The following RANBP6 variants were observed in gnomAD, a reference collection of about 807,000 sequenced individuals.
The protein encoded by RANBP6 is ran-binding protein 6.
RANBP6 carries 10 observed loss-of-function variants against 35.3 expected under a neutral mutation model. The observed-to-expected ratio is 0.28, with a 90% confidence interval of 0.17 to 0.48. The LOEUF (loss-of-function observed/expected upper bound fraction) is 0.48, where lower values mean the gene tolerates loss of function less well. RANBP6 is among the 20% of genes least tolerant of loss of function. The probability of loss-of-function intolerance (pLI) is 0.99; values close to 1 mark genes in which losing one functional copy is unlikely to be tolerated. For missense variants in RANBP6, 1,392 were observed against 1,307.7 expected, an observed-to-expected ratio of 1.06 and a Z score of -0.99; for synonymous variants, 514 against 464.2, an observed-to-expected ratio of 1.11 and a Z score of -1.38.
In RANBP6 at chr9:6,014,507, G is replaced by A. The variant is rs1842538692; in HGVS notation, c.1101C>T (p.Thr367=). ...GLGGKVVLPM[T]KEHIMQMLQS... ...GAAGCATCTGCATGATATGCTCCTTGGTCATTGGTAAAACAACTTTTCCAC... is the reference window on the plus strand; with the variant it reads ...GAAGCATCTGCATGATATGCTCCTTAGTCATTGGTAAAACAACTTTTCCAC... Residue 367 remains threonine (T), a synonymous_variant, in exon 1 of 1, where the codon ACC becomes ACT. Coordinates refer to ENST00000259569, the MANE Select transcript of RANBP6 (RefSeq NM_012416.4). 1 of 1,614,038 alleles carries A rather than the reference G, an allele frequency of 6.2e-7. No homozygotes were observed. The highest frequency in any genetic ancestry group is 8.5e-7 in the Non-Finnish European group (1 of 1,180,034).
chr9:6,012,060 T>C lies in RANBP6; in HGVS notation c.*230A>G, dbSNP rs542145138. The C allele has an allele frequency of 1.1e-5, 4 of 375,052 alleles. No homozygotes were observed. Among genetic ancestry groups the C allele is most frequent in the Middle Eastern group, 6.8e-4 (1 of 1,480 alleles). 23.2% of individuals were successfully genotyped at this position (375,052 alleles called of 1,614,324 possible). A position where few individuals can be genotyped will look rare whatever the true frequency, so the allele number is the denominator to read the frequency against. ...TCAACTAGGGGAAAGGTGACAAACA[T>C]TGTTTAAGACAGTTTGAAGCACAGG... is the stretch of plus-strand genomic sequence containing the variant. On this transcript the variant is annotated 3_prime_UTR_variant, in exon 1 of 1. Coordinates refer to ENST00000259569, the MANE Select transcript of RANBP6 (RefSeq NM_012416.4).
chr9:6,012,612 T>A lies in RANBP6; in HGVS notation c.2996A>T (p.Glu999Val). 1.2e-6 allele frequency: 2 copies of A among 1,614,138 alleles called. No homozygotes were observed. The highest frequency in any genetic ancestry group is 1.7e-6 in the Non-Finnish European group (2 of 1,180,008). ...CCATGATAACCAGTGTGGAAGAACT[T>A]CATCTACATTTACACAGTTAGGCTT... The part of the protein sequence containing the change: ...KFKPNCVNVD[E>V]VLPHWLSWLP... Residue 999 changes from glutamate (E) to valine (V), a missense_variant, in exon 1 of 1, where the codon GAA (glutamate) becomes GTA (valine). Coordinates refer to ENST00000259569, the MANE Select transcript of RANBP6 (RefSeq NM_012416.4).
chr9:6,014,033 T>C lies in RANBP6; in HGVS notation c.1575A>G (p.Ala525=), dbSNP rs773383898. The change falls in exon 1 of 1, where the codon GCA becomes GCG. Residue 525 remains alanine, a synonymous_variant. Coordinates refer to ENST00000259569, the MANE Select transcript of RANBP6 (RefSeq NM_012416.4). ...TTTCTTCTATTGTATCTGCAACTGA[T>C]GCAATGGTTGTCACAAGTTGTTCCA... The part of the protein sequence containing the change: ...LALEQLVTTI[A]SVADTIEEKF... The C allele has an allele frequency of 2.7e-5, 43 of 1,613,772 alleles. No homozygotes were observed. The East Asian group carries it at 5.6e-4, about 21-fold the overall frequency.
Position 6,014,509 on chromosome 9 carries a change from T to A in RANBP6, c.1099A>T (p.Thr367Ser). The stretch of plus-strand genomic sequence containing the variant: ...AGCATCTGCATGATATGCTCCTTGG[T>A]CATTGGTAAAACAACTTTTCCACCA... ...GLGGKVVLPM[T>S]KEHIMQMLQS... is the part of the protein sequence containing the mutation. Residue 367 changes from threonine to serine, a missense_variant, in exon 1 of 1, where the codon ACC (threonine) becomes TCC (serine). Transcript: ENST00000259569. 1.2e-6 allele frequency: 2 copies of A among 1,614,204 alleles called. No individual in the cohort carries two copies. Among genetic ancestry groups the A allele is most frequent in the African/African-American group, 2.7e-5 (2 of 75,056 alleles).
Position 6,014,286 on chromosome 9 carries a change from T to C in RANBP6, c.1322A>G (p.Asn441Ser). ...LGQMATDFAP[N>S]FQKKFHETVI... ...TGTTTCATGAAATTTCTTTTGGAAA[T>C]TAGGTGCAAAATCTGTAGCCATCTG... The change falls in exon 1 of 1, where the codon AAT becomes AGT. Residue 441 changes from asparagine to serine, a missense_variant. By Grantham distance (46) the Asn-to-Ser change is conservative. Coordinates refer to ENST00000259569, the MANE Select transcript of RANBP6 (RefSeq NM_012416.4). 6.2e-7 allele frequency: 1 copy of C among 1,614,224 alleles called. No individual in the cohort carries two copies. Among genetic ancestry groups the C allele is most frequent in the Non-Finnish European group, 8.5e-7 (1 of 1,180,038 alleles).
Sources: gnomAD v4.1 joint callset for allele counts on GRCh38, gnomAD v4.1.1 for gene constraint, MANE v1.5 for transcripts, NCBI Gene and HGNC (gene_info 2026-07-23, HGNC 2026-07-21) for gene names.